Variants in FARP1 observed in about 807,000 individuals in gnomAD.
The protein encoded by FARP1 is FERM, ARH/RhoGEF and pleckstrin domain protein 1, also known as FERM, ARHGEF and pleckstrin domain-containing protein 1.
In FARP1, 52 loss-of-function variants were observed where a neutral mutation model predicts 128.8. The ratio of observed to expected loss-of-function variants is 0.40; its 90% confidence interval spans 0.32 to 0.51. The LOEUF (loss-of-function observed/expected upper bound fraction) is 0.51, where lower values mean the gene tolerates loss of function less well. FARP1 is among the 20% of genes least tolerant of loss of function. The pLI is 0.45. For synonymous variants in FARP1, 580 were observed against 551.8 expected (o/e 1.05, Z -0.72); for missense variants, 1,333 against 1,367.9 (o/e 0.97, Z 0.40).
chr13:98,144,972 C>A (rs962760510), intron 1 of FARP1, among the ~76,000 whole-genome samples: 8 of 152,162 alleles, frequency 5.3e-5, no homozygotes, highest in African/African-American at 1.7e-4. Context: ...ACTTTATATT[C>A]CTGCAGCATC....
chr13:98,438,365 G>C (rs759943537), intron 19 of FARP1, among the ~76,000 whole-genome samples: 1 of 152,078 alleles, frequency 6.6e-6, no homozygotes, highest in Admixed American at 6.5e-5. Context: ...TTTCTTCTTT[G>C]AGAACTGCTT....
At chr13:98,330,924 A>T (rs542063865) in intron 2 of FARP1, among the ~76,000 whole-genome samples, 1 of 152,294 alleles carries the variant, frequency 6.6e-6, no homozygotes, top group East Asian at 1.9e-4. Context: ...GGGCCAGAGG[A>T]CATGAGTGCT....
intron 2 of FARP1, among the ~76,000 whole-genome samples, chr13:98,272,748 T>A (rs879930606): frequency 6.6e-5 from 10 of 152,194 alleles, no homozygotes; most frequent in Non-Finnish European, 8.8e-5. Flanking sequence ...CTACCCTGGC[T>A]TGAGCTCCTA....
intron 1 of FARP1, among the ~76,000 whole-genome samples, chr13:98,211,711 T>A (rs1479369928): frequency 2.0e-5 from 3 of 152,188 alleles, no homozygotes; most frequent in South Asian, 2.1e-4. Context: ...TTGAGTTCAA[T>A]TCTCACCTTC....
chr13:98,278,018 A>C (rs1336532451), intron 2 of FARP1, among the ~76,000 whole-genome samples: 2 of 150,710 alleles, frequency 1.3e-5, no homozygotes, highest in Admixed American at 1.3e-4. Context: ...CTATTGTTTT[A>C]AATGGTCAAA....
chr13:98,250,967 C>A (rs936972813), intron 2 of FARP1, among the ~76,000 whole-genome samples: 1 of 152,156 alleles, frequency 6.6e-6, no homozygotes, highest in Non-Finnish European at 1.5e-5. Flanking sequence ...GATTGTGTGG[C>A]CCCTGGTCTT....
chr13:98,438,818 G>T lies in FARP1; in HGVS notation c.2289G>T (p.Leu763=). 2 of 1,612,896 alleles carry T rather than the reference G, an allele frequency of 1.2e-6. No homozygotes were observed. Among genetic ancestry groups the T allele is most frequent in the African/African-American group, 2.7e-5 (2 of 75,030 alleles). ...LVVPGREFIR[L]GSLSKLSGKG... ...CTCCCCTGCAGGAGTTCATCCGTCT[G>T]GGCAGCCTCAGCAAGCTCTCGGGGA... Residue 763 remains leucine (L), a synonymous_variant, in exon 20 of 27, where the codon CTG becomes CTT. Coordinates refer to ENST00000319562, the MANE Select transcript of FARP1 (RefSeq NM_005766.4).
chr13:98,376,419 C>A (rs1889587003), intron 5 of FARP1, among the ~76,000 whole-genome samples: 1 of 152,160 alleles, frequency 6.6e-6, no homozygotes, highest in Non-Finnish European at 1.5e-5. Flanking sequence ...ATAATGACCT[C>A]CAGTTCCAAT....
At chr13:98,260,801 C>T (rs1883842151) in intron 2 of FARP1, among the ~76,000 whole-genome samples, 2 of 152,244 alleles carry the variant, frequency 1.3e-5, no homozygotes, top group Non-Finnish European at 1.5e-5. Context: ...TTCTCATCTG[C>T]TTCTCGTCAG....
chr13:98,225,347 G>A (rs1174724982), intron 2 of FARP1, among the ~76,000 whole-genome samples: 4 of 152,024 alleles, frequency 2.6e-5, no homozygotes, highest in East Asian at 1.9e-4. Flanking sequence ...CCTGTGTGTC[G>A]CCCACAGGAC....
intron 16 of FARP1, among the ~76,000 whole-genome samples, chr13:98,423,970 C>G (rs1891687244): frequency 6.6e-6 from 1 of 152,224 alleles, no homozygotes; most frequent in Admixed American, 6.5e-5. Flanking sequence ...ACGCCTCTCT[C>G]TCTTCCTGGG....
At chr13:98,239,955 C>T (rs750012555) in intron 2 of FARP1, among the ~76,000 whole-genome samples, 78 of 152,242 alleles carry the variant, frequency 5.1e-4, no homozygotes, top group Middle Eastern at 3.4e-3. Context: ...ATCAGGAAGA[C>T]GGCTACCTCT....
chr13:98,404,788 C>T (rs1163944969), intron 13 of FARP1: 4 of 152,126 alleles, frequency 2.6e-5, no homozygotes, highest in Admixed American at 1.3e-4. Flanking sequence ...TTTATAATTG[C>T]ACTTTAAAAT....
intron 2 of FARP1, among the ~76,000 whole-genome samples, chr13:98,340,190 T>C (rs1402198456): frequency 3.3e-5 from 5 of 152,162 alleles, no homozygotes; most frequent in Admixed American, 2.6e-4. Context: ...CCCAGAACTC[T>C]TTGGGAAATG....
chr13:98,309,153 C>CTTTTTTTTTTT lies in FARP1; in HGVS notation c.172-34589_172-34579dup, dbSNP rs56030081. On this transcript the variant is annotated intron_variant, in intron 2 of 26. Transcript: ENST00000319562. ...TATATTAATATTAATTTTAAGAGGC[C>CTTTTTTTTTTT]TTTTTTTTTTTTTTTTTTTTTTTTT... Among the ~76,000 whole-genome samples, 6 of 89,688 alleles carry CTTTTTTTTTTT rather than the reference C, an allele frequency of 6.7e-5. 3 individuals are homozygous for CTTTTTTTTTTT. The highest frequency in any genetic ancestry group is 2.9e-4 in the Admixed American group (2 of 6,976). The allele number at this position is 89,688 out of a possible 152,430, so 58.8% of individuals were successfully genotyped here.
intron 16 of FARP1, among the ~76,000 whole-genome samples, chr13:98,420,376 G>C (rs763166839): frequency 1.3e-5 from 2 of 152,134 alleles, no homozygotes; most frequent in Non-Finnish European, 2.9e-5. Flanking sequence ...CCTTGCTGTT[G>C]GTCAGCCGCC....
intron 2 of FARP1, among the ~76,000 whole-genome samples, chr13:98,330,615 C>T (rs1206305552): frequency 1.4e-4 from 22 of 151,900 alleles, no homozygotes; most frequent in African/African-American, 3.6e-4. Flanking sequence ...ATTAGCTGGG[C>T]GTGGTGGCAG....
intron 2 of FARP1, among the ~76,000 whole-genome samples, chr13:98,241,824 C>T (rs1199123905): frequency 2.0e-5 from 3 of 152,200 alleles, no homozygotes; most frequent in African/African-American, 7.2e-5. Context: ...GAGGCTGAGG[C>T]AGGAGAATCG....
intron 1 of FARP1, among the ~76,000 whole-genome samples, chr13:98,169,647 T>C (rs956713279): frequency 5.3e-5 from 8 of 152,246 alleles, no homozygotes; most frequent in Admixed American, 4.6e-4. Context: ...AAATGGAAAC[T>C]ACTATCCTTG....
Sources: allele counts gnomAD v4.1 joint callset (sites outside exome capture counted in the v4.1 genomes callset), GRCh38; gene constraint gnomAD v4.1.1; transcripts MANE v1.5; gene names NCBI Gene and HGNC (gene_info 2026-07-23, HGNC 2026-07-21).